Variants in EYA4 observed in about 807,000 individuals in gnomAD.
The protein encoded by EYA4 is EYA transcriptional coactivator and phosphatase 4.
EYA4 carries 31 observed loss-of-function variants against 87.9 expected under a neutral mutation model. The ratio of observed to expected loss-of-function variants is 0.35; its 90% CI spans 0.27 to 0.48. The LOEUF (loss-of-function observed/expected upper bound fraction) is 0.48, where lower values mean the gene tolerates loss of function less well. EYA4 is among the 20% of genes least tolerant of loss of function. The probability of loss-of-function intolerance (pLI) is 0.99; values close to 1 mark genes in which losing one functional copy is unlikely to be tolerated. For missense variants in EYA4, 678 were observed against 761.4 expected (o/e 0.89, Z 1.29); for synonymous variants, 263 against 270.6 (o/e 0.97, Z 0.28).
chr6:133,332,711 A>ATTTTTTTTTTTTTTT (rs71003634), intron 2 of EYA4, among the ~76,000 whole-genome samples: 18 of 124,892 alleles, frequency 1.4e-4, no homozygotes, highest in Non-Finnish European at 2.0e-4. Context: ...GCCCAGCTAA[A>ATTTTTTTTTTTTTTT]TTTTTTTTTT....
chr6:133,394,282 G>GTATTTTTTTTTTTTTTT lies in EYA4; in HGVS notation c.83+11842_83+11843insATTTTTTTTTTTTTTTT, dbSNP rs1562368948. Among the ~76,000 whole-genome samples, 6 of 107,846 alleles carry GTATTTTTTTTTTTTTTT rather than the reference G, an allele frequency of 5.6e-5. 1 individual carries two copies. Among genetic ancestry groups the GTATTTTTTTTTTTTTTT allele is most frequent in the East Asian group, 5.4e-4 (2 of 3,720 alleles). 70.8% of individuals were successfully genotyped at this position (107,846 alleles called of 152,430 possible). On this transcript the variant is annotated intron_variant, in intron 3 of 19. Coordinates refer to ENST00000355286, the MANE Select transcript of EYA4 (RefSeq NM_004100.5). ...GTTGGAAAAATGTATATATAAGCTT[G>GTATTTTTTTTTTTTTTT]TGTTTTTTTTTTTTTTTTTTTTTTT...
intron 2 of EYA4, among the ~76,000 whole-genome samples, chr6:133,364,627 G>T (rs567974752): frequency 6.6e-6 from 1 of 152,170 alleles, no homozygotes; most frequent in African/African-American, 2.4e-5. Flanking sequence ...TGAAACTGGC[G>T]GTGGTGCCTC....
chr6:133,270,180 C>A (rs1344324591), intron 1 of EYA4, among the ~76,000 whole-genome samples: 1 of 152,180 alleles, frequency 6.6e-6, no homozygotes, highest in Admixed American at 6.5e-5. Context: ...ATCCTTCAAT[C>A]CAATCAAGTT....
intron 2 of EYA4, among the ~76,000 whole-genome samples, chr6:133,321,514 A>G (rs1346820584): frequency 2.6e-5 from 4 of 152,148 alleles, no homozygotes; most frequent in Non-Finnish European, 5.9e-5. Flanking sequence ...TGTTGTTTGC[A>G]GAAGTTTTAC....
At chr6:133,465,931 C>T (rs954597873) in intron 10 of EYA4, among the ~76,000 whole-genome samples, 2 of 152,086 alleles carry the variant, frequency 1.3e-5, no homozygotes, top group Non-Finnish European at 1.5e-5. Context: ...AAACACTAAA[C>T]ATCAGAGCCA....
chr6:133,484,982 G>A (rs1421834160), intron 13 of EYA4, among the ~76,000 whole-genome samples: 1 of 152,214 alleles, frequency 6.6e-6, no homozygotes, highest in Admixed American at 6.5e-5. Context: ...TCGGACCCAA[G>A]GCGGTGAATA....
At chr6:133,320,447 G>T in intron 2 of EYA4, among the ~76,000 whole-genome samples, 1 of 151,110 alleles carries the variant, frequency 6.6e-6, no homozygotes, top group Non-Finnish European at 1.5e-5. Flanking sequence ...ACTTATTTTA[G>T]AGTAAACAGT....
chr6:133,461,514 C>G (rs1370359312), intron 7 of EYA4, among the ~76,000 whole-genome samples: 2 of 152,074 alleles, frequency 1.3e-5, no homozygotes, highest in Non-Finnish European at 2.9e-5. Flanking sequence ...ATTTCCAGTT[C>G]TAATAAACAT....
At chr6:133,401,271 A>G (rs1200610071) in intron 3 of EYA4, among the ~76,000 whole-genome samples, 2 of 152,158 alleles carry the variant, frequency 1.3e-5, no homozygotes, top group Non-Finnish European at 1.5e-5. Flanking sequence ...AGGGATCCAA[A>G]GATTTTGGTT....
intron 2 of EYA4, among the ~76,000 whole-genome samples, chr6:133,326,071 A>G (rs1781478107): frequency 6.6e-6 from 1 of 152,150 alleles, no homozygotes; most frequent in Admixed American, 6.5e-5. Context: ...ACATCTTTCA[A>G]GTTCAGATTT....
chr6:133,527,504 AATAAC>A (rs1800731585), intron 19 of EYA4, among the ~76,000 whole-genome samples: 1 of 152,356 alleles, frequency 6.6e-6, no homozygotes, highest in Non-Finnish European at 1.5e-5. Context: ...AATTAATTTT[AATAAC>A]ATGTCAACCC....
chr6:133,433,044 CA>C (rs1487170901), intron 3 of EYA4, among the ~76,000 whole-genome samples: 2 of 152,222 alleles, frequency 1.3e-5, no homozygotes, highest in Non-Finnish European at 2.9e-5. Context: ...CTAATAAAAG[CA>C]CATTCCTTAT....
chr6:133,319,933 G>A (rs1434165544), intron 2 of EYA4, among the ~76,000 whole-genome samples: 1 of 151,784 alleles, frequency 6.6e-6, no homozygotes, highest in African/African-American at 2.4e-5. Context: ...AGCTGGTCTT[G>A]AACTCCTGGG....
intron 3 of EYA4, among the ~76,000 whole-genome samples, chr6:133,399,428 G>A (rs1267340976): frequency 6.6e-6 from 1 of 152,066 alleles, no homozygotes; most frequent in African/African-American, 2.4e-5. Flanking sequence ...TTGATGTGTG[G>A]TGTAGAAAGG....
chr6:133,524,661 A>G (rs1160356452), intron 18 of EYA4, among the ~76,000 whole-genome samples: 3 of 152,166 alleles, frequency 2.0e-5, no homozygotes, highest in Non-Finnish European at 4.4e-5. Context: ...TCTCTAGAAC[A>G]CATTTAGCTG....
chr6:133,416,652 C>G lies in EYA4; in HGVS notation c.84-29978C>G, dbSNP rs565267941. On this transcript the variant is annotated intron_variant, in intron 3 of 19. Coordinates refer to ENST00000355286, the MANE Select transcript of EYA4 (RefSeq NM_004100.5). ...ATATTACATTGATATCATAGAAGAGCAAAACTGCACATGCATAAGAATTTA... is the reference window on the plus strand; with the variant it reads ...ATATTACATTGATATCATAGAAGAGGAAAACTGCACATGCATAAGAATTTA... Among the ~76,000 whole-genome samples, 121 of 152,254 alleles carry G rather than the reference C, an allele frequency of 7.9e-4. 4 individuals are homozygous for G. In the South Asian group the frequency reaches 0.024, roughly 30 times the overall value.
At chr6:133,452,000 T>C (rs964137986) in intron 5 of EYA4, among the ~76,000 whole-genome samples, 1 of 152,144 alleles carries the variant, frequency 6.6e-6, no homozygotes, top group Non-Finnish European at 1.5e-5. Context: ...TCAAATTATT[T>C]TACAAAATTA....
chr6:133,401,297 A>C (rs1016793502), intron 3 of EYA4, among the ~76,000 whole-genome samples: 1 of 152,170 alleles, frequency 6.6e-6, no homozygotes, highest in Non-Finnish European at 1.5e-5. Flanking sequence ...GTACAAATAT[A>C]AATTAGATAG....
At chr6:133,473,463 A>C (rs889443426) in intron 11 of EYA4, among the ~76,000 whole-genome samples, 14 of 152,226 alleles carry the variant, frequency 9.2e-5, no homozygotes, top group African/African-American at 3.1e-4. Context: ...ATTTGGACAT[A>C]AAGTAAAAAT....
Sources: gnomAD v4.1 joint callset for allele counts (sites outside exome capture counted in the v4.1 genomes callset) on GRCh38, gnomAD v4.1.1 for gene constraint, MANE v1.5 for transcripts, NCBI Gene and HGNC (gene_info 2026-07-23, HGNC 2026-07-21) for gene names.